FCHO1: variants seen among roughly 807,000 people sequenced by gnomAD.
FCHO1 encodes FCH and mu domain containing endocytic adaptor 1, also known as F-BAR domain only protein 1.
In FCHO1, 45 loss-of-function variants were observed where a neutral mutation model predicts 114.4. That is an observed-to-expected ratio of 0.39 (90% CI 0.31 to 0.50). The LOEUF is 0.50. Ranked by LOEUF, FCHO1 falls within the 20% of genes least tolerant of loss-of-function variation. The pLI, the probability that FCHO1 is intolerant of heterozygous loss-of-function variation, is 0.77. For missense variants in FCHO1, 1,042 were observed against 1,209.6 expected (o/e 0.86, Z 2.06); for synonymous variants, 480 against 488.9 (o/e 0.98, Z 0.24).
At position 17,769,880 on chromosome 19, in the gene FCHO1, C is replaced by A. The variant is rs549139322; in HGVS notation, c.337-545C>A. On this transcript the variant is annotated intron_variant, in intron 7 of 28. Transcript: ENST00000596536. ...AAAATGTTTTGAAATGAAAAACGTA[C>A]AGGCCGGGCGTAGTGGCTCACACCT... 5.9e-5 allele frequency among the ~76,000 whole-genome samples: 9 copies of A among 151,834 alleles called. No individual in the cohort carries two copies. In the South Asian group the frequency reaches 1.9e-3, roughly 32 times the overall value.
At chr19:17,786,050 G>A (rs1289333790) in intron 26 of FCHO1, among the ~76,000 whole-genome samples, 1 of 149,964 alleles carries the variant, frequency 6.7e-6, no homozygotes, top group Non-Finnish European at 1.5e-5. Context: ...GTGCTGCAAG[G>A]AAGCCGGGCA....
Position 17,776,486 on chromosome 19 carries a change from T to C in FCHO1, c.1208-149T>C. 1 of 1,038,100 alleles carries C rather than the reference T, an allele frequency of 9.6e-7. No individual in the cohort carries two copies. The highest frequency in any genetic ancestry group is 1.5e-6 in the Non-Finnish European group (1 of 672,368). 64.3% of individuals were successfully genotyped at this position (1,038,100 alleles called of 1,614,324 possible). On this transcript the variant is annotated intron_variant, in intron 17 of 28. Transcript: ENST00000596536. This position sits in a 1 kb window ranked among gnomAD's most constrained non-coding sequence, Gnocchi z 4.4. Reference sequence around the variant, plus strand: ...GAGAAGCTAGCATCTGGAGACAGGCTCGCTTAGGCTTGAATCCATGTCTGC... The same window carrying C: ...GAGAAGCTAGCATCTGGAGACAGGCCCGCTTAGGCTTGAATCCATGTCTGC...
chr19:17,778,289 T>C lies in FCHO1; in HGVS notation c.1351+61T>C, dbSNP rs1599735164. Reference sequence around the variant, plus strand: ...GCCGGAGGGAGGTTGGGTGGGGCCATTGCAGAGTTAGGCCAATGAGGTCCC... The same window carrying C: ...GCCGGAGGGAGGTTGGGTGGGGCCACTGCAGAGTTAGGCCAATGAGGTCCC... On this transcript the variant is annotated intron_variant, in intron 19 of 28. Transcript: ENST00000596536. 4 of 1,399,280 alleles carry C rather than the reference T, an allele frequency of 2.9e-6. No individual in the cohort carries two copies. The African/African-American group carries it at 4.2e-5, about 15-fold the overall frequency. The allele number at this position is 1,399,280 out of a possible 1,614,324, so 86.7% of individuals were successfully genotyped here. A position where few individuals can be genotyped will look rare whatever the true frequency, so the allele number is the denominator to read the frequency against.
At position 17,766,742 on chromosome 19, in the gene FCHO1, C is replaced by G. The variant is rs763015274; in HGVS notation, c.268C>G (p.Arg90Gly). The stretch of plus-strand genomic sequence containing the variant: ...GGCGCTGTGCCACCTGGAACTGACA[C>G]GGAAGTTACAGGATCTCATCAAGGA... ...KLALCHLELT[R>G]KLQDLIKDVL... Residue 90 changes from arginine to glycine, a missense_variant, in exon 7 of 29, where the codon CGG becomes GGG. Coordinates refer to ENST00000596536, the MANE Select transcript of FCHO1 (RefSeq NM_015122.3). The G allele has an allele frequency of 1.9e-6, 3 of 1,614,124 alleles. No homozygotes were observed. The highest frequency in any genetic ancestry group is 2.2e-5 in the South Asian group (2 of 91,086).
chr19:17,773,311 C>T (rs8107558), intron 11 of FCHO1, among the ~76,000 whole-genome samples: 136,706 of 152,286 alleles, frequency 0.9, 61,649 homozygotes, highest in Middle Eastern at 0.97. Context: ...AATAATGTTG[C>T]AACATTCAGT....
At chr19:17,757,095 A>G (rs1476829245) in intron 4 of FCHO1, among the ~76,000 whole-genome samples, 1 of 151,220 alleles carries the variant, frequency 6.6e-6, no homozygotes, top group Non-Finnish European at 1.5e-5. Flanking sequence ...AGGCTAAGGC[A>G]GGAGAATTGC....
chr19:17,785,214 T>G (rs1156268012), intron 26 of FCHO1, among the ~76,000 whole-genome samples: 1 of 152,122 alleles, frequency 6.6e-6, no homozygotes, highest in African/African-American at 2.4e-5. Context: ...GTTTATTTAT[T>G]TATTTATTTA....
At chr19:17,753,236 T>C (rs10404160) in intron 1 of FCHO1, among the ~76,000 whole-genome samples, 132,560 of 152,236 alleles carry the variant, frequency 0.87, 58,507 homozygotes, top group Non-Finnish European at 0.94. Context: ...GGGATGTCAG[T>C]GTAGCATGCT....
chr19:17,748,355 A>T (rs1336127626), upstream of FCHO1, among the ~76,000 whole-genome samples: 2 of 152,048 alleles, frequency 1.3e-5, no homozygotes, highest in Non-Finnish European at 2.9e-5. Flanking sequence ...GCCCCATCCC[A>T]GTCCTCCACC....
At chr19:17,766,311 A>AT (rs758063880) in intron 6 of FCHO1, among the ~76,000 whole-genome samples, 1 of 148,850 alleles carries the variant, frequency 6.7e-6, no homozygotes, top group Non-Finnish European at 1.5e-5. Flanking sequence ...TAATTTTTGT[A>AT]TTTTAAGTAC....
At chr19:17,769,274 C>A (rs1372203132) in intron 7 of FCHO1, among the ~76,000 whole-genome samples, 189 of 51,726 alleles carry the variant, frequency 3.7e-3, no homozygotes, top group East Asian at 0.012. Context: ...GACTCCGCCT[C>A]AAAAAAAAAA....
rs2093664781 is a variant in FCHO1, at chr19:17,784,128, A to G, written c.2119A>G (p.Thr707Ala). The G allele has an allele frequency of 6.2e-7, 1 of 1,613,920 alleles. No individual in the cohort carries two copies. Among genetic ancestry groups the G allele is most frequent in the African/African-American group, 1.3e-5 (1 of 74,906 alleles). ...TGACCCCTCCCAGAGTGACCCTGAG[A>G]CCAAAGACTTCTGGCTCAACATGGC... ...FSDPSQSDPE[T>A]KDFWLNMAAL... The change falls in exon 25 of 29, where the codon ACC (threonine) becomes GCC (alanine). Residue 707 changes from threonine to alanine, a missense_variant. By Grantham distance (58) the Thr-to-Ala change is moderately conservative (BLOSUM62 0). Coordinates refer to ENST00000596536, the MANE Select transcript of FCHO1 (RefSeq NM_015122.3). The surrounding 1 kb of genome is among the most constrained non-coding windows in gnomAD (Gnocchi z 5.3).
At chr19:17,777,326 C>T (rs975110770) in intron 18 of FCHO1, among the ~76,000 whole-genome samples, 19 of 151,616 alleles carry the variant, frequency 1.3e-4, no homozygotes, top group Admixed American at 2.0e-4. Flanking sequence ...CACCTGAGGT[C>T]GAGAGTTCGA....
At chr19:17,761,205 T>G (rs986541289) in intron 4 of FCHO1, among the ~76,000 whole-genome samples, 1 of 152,144 alleles carries the variant, frequency 6.6e-6, no homozygotes, top group African/African-American at 2.4e-5. Context: ...GTGCTGGGCT[T>G]TGGTGGGTCC....
chr19:17,754,977 A>T (rs972069679), intron 3 of FCHO1, 141 bp from the exon 4 acceptor site: 22 of 666,836 alleles, frequency 3.3e-5, no homozygotes, highest in Admixed American at 2.4e-4. Flanking sequence ...GAATTATCTC[A>T]GGGGTCCTGG....
At chr19:17,778,260 T>A in intron 19 of FCHO1, 32 bp downstream of exon 19, 1 of 1,570,026 alleles carries the variant, frequency 6.4e-7, no homozygotes, top group Non-Finnish European at 8.8e-7. Flanking sequence ...AGGGCATGGG[T>A]GTGGCCGGAG....
rs2092484207 is a variant in FCHO1, at chr19:17,775,423, GCCTGACTCACTGCTGCCC to G, written c.946-24_946-7del. The G allele has an allele frequency of 1.9e-6, 3 of 1,598,994 alleles. No homozygotes were observed. The highest frequency in any genetic ancestry group is 2.7e-5 in the African/African-American group (2 of 74,574). On this transcript the variant is annotated splice_polypyrimidine_tract_variant and intron_variant, in intron 14 of 28. Transcript: ENST00000596536. This position sits in a 1 kb window ranked among gnomAD's most constrained non-coding sequence, Gnocchi z 5.1. Reference sequence around the variant, plus strand: ...GAGATGGAAGGTTCGATAGTGGGGCGCCTGACTCACTGCTGCCCCCTGACTCCCCTAGACATGTCCAGA... The same window carrying G: ...GAGATGGAAGGTTCGATAGTGGGGCGCCTGACTCCCCTAGACATGTCCAGA...
chr19:17,782,387 A>C (rs1459568076), intron 23 of FCHO1, among the ~76,000 whole-genome samples: 1 of 151,974 alleles, frequency 6.6e-6, no homozygotes, highest in African/African-American at 2.4e-5. Flanking sequence ...TGTCTTTAGT[A>C]GAGACAGGGT....
chr19:17,769,013 T>G (rs2090456132), intron 7 of FCHO1, among the ~76,000 whole-genome samples: 1 of 151,206 alleles, frequency 6.6e-6, no homozygotes, highest in African/African-American at 2.4e-5. Flanking sequence ...CAGTGACTTA[T>G]GTCTGTAATC....
Sources: gnomAD v4.1 joint callset for allele counts (sites outside exome capture counted in the v4.1 genomes callset) on GRCh38, gnomAD v4.1.1 for gene constraint, Gnocchi (gnomAD v3.1) non-coding constraint, MANE v1.5 for transcripts, NCBI Gene and HGNC (gene_info 2026-07-23, HGNC 2026-07-21) for gene names.